The following FSIP1 variants were observed in gnomAD, a reference collection of about 807,000 sequenced individuals.
FSIP1 encodes fibrous sheath interacting protein 1.
Under a neutral mutation model 60.9 loss-of-function variants are expected in FSIP1, and 65 were observed. That is an observed-to-expected ratio of 1.07 (90% CI 0.87 to 1.31). The LOEUF (loss-of-function observed/expected upper bound fraction) is 1.31, where lower values mean the gene tolerates loss of function less well. Among genes scored for constraint, FSIP1 ranks in the 40% most tolerant of loss-of-function variants. The pLI, the probability that FSIP1 is intolerant of heterozygous loss-of-function variation, is 0.00. For synonymous variants in FSIP1, 209 were observed against 221.2 expected (o/e 0.94, Z 0.49); for missense variants, 675 against 665.5 (o/e 1.01, Z -0.16).
intron 10 of FSIP1, among the ~76,000 whole-genome samples, chr15:39,640,039 GAAAT>G (rs1371591707): frequency 6.6e-6 from 1 of 152,148 alleles, no homozygotes; most frequent in Non-Finnish European, 1.5e-5. Flanking sequence ...ATTTGTTGAT[GAAAT>G]AAATAAATAC....
Position 39,687,532 on chromosome 15 carries a change from G to A in FSIP1, c.1188+25912C>T, listed in dbSNP as rs139562262. On this transcript the variant is annotated intron_variant, in intron 10 of 11. Transcript: ENST00000350221. ...TAAGGTAAACATGAGCCAGTCACTT[G>A]CAGAGTTGGTCCCTACCTCCCATCT... Among the ~76,000 whole-genome samples, 536 of 152,228 alleles carry A rather than the reference G, an allele frequency of 3.5e-3. 4 individuals are homozygous for A. The highest frequency in any genetic ancestry group is 0.012 in the African/African-American group (507 of 41,546).
intron 10 of FSIP1, among the ~76,000 whole-genome samples, chr15:39,705,500 G>T (rs941004301): frequency 2.0e-5 from 3 of 151,800 alleles, no homozygotes; most frequent in Non-Finnish European, 4.4e-5. Context: ...CTTAATTATG[G>T]CTCCCCTTTC....
intron 10 of FSIP1, among the ~76,000 whole-genome samples, chr15:39,672,461 G>A (rs145944982): frequency 7.2e-4 from 109 of 152,294 alleles, no homozygotes; most frequent in African/African-American, 2.6e-3. Flanking sequence ...AGAGTCAGTG[G>A]TTGAGAACTA....
chr15:39,659,814 T>C (rs979609770), intron 10 of FSIP1, among the ~76,000 whole-genome samples: 1 of 152,136 alleles, frequency 6.6e-6, no homozygotes, highest in African/African-American at 2.4e-5. Flanking sequence ...GAATTTTTAT[T>C]GCAATTTTGC....
intron 11 of FSIP1, among the ~76,000 whole-genome samples, chr15:39,610,492 C>T (rs986853397): frequency 2.6e-5 from 4 of 152,016 alleles, no homozygotes; most frequent in African/African-American, 7.3e-5. Context: ...ATGGTGAAAC[C>T]CCATCTCTGC....
At chr15:39,692,304 T>C (rs1361567404) in intron 10 of FSIP1, among the ~76,000 whole-genome samples, 1 of 152,236 alleles carries the variant, frequency 6.6e-6, no homozygotes, top group Non-Finnish European at 1.5e-5. Flanking sequence ...ATGTGTGAAA[T>C]GCTTTGCAAC....
intron 11 of FSIP1, among the ~76,000 whole-genome samples, chr15:39,615,629 T>C (rs897416595): frequency 2.1e-4 from 32 of 151,712 alleles, no homozygotes; most frequent in Admixed American, 6.6e-4. Context: ...GGCTCACGCC[T>C]GTAATCCCAG....
intron 9 of FSIP1, among the ~76,000 whole-genome samples, chr15:39,721,680 T>C (rs1895988239): frequency 6.6e-6 from 1 of 152,204 alleles, no homozygotes; most frequent in African/African-American, 2.4e-5. Context: ...GAAGTGGGCC[T>C]TAGGGCCTGC....
At chr15:39,614,029 A>T (rs1891127778) in intron 11 of FSIP1, among the ~76,000 whole-genome samples, 1 of 152,228 alleles carries the variant, frequency 6.6e-6, no homozygotes, top group Non-Finnish European at 1.5e-5. Context: ...TTCCACAAGG[A>T]TGCCCACTCT....
chr15:39,776,915 G>C (rs1395946021), intron 1 of FSIP1, among the ~76,000 whole-genome samples: 5 of 152,028 alleles, frequency 3.3e-5, no homozygotes, highest in African/African-American at 9.7e-5. Flanking sequence ...GATTTGCTAA[G>C]GCCCTCCTGC....
intron 10 of FSIP1, among the ~76,000 whole-genome samples, chr15:39,641,761 G>A (rs765714118): frequency 5.3e-5 from 8 of 152,064 alleles, no homozygotes; most frequent in South Asian, 4.1e-4. Flanking sequence ...TAACAAAACC[G>A]CGCAAGACTA....
At chr15:39,602,983 C>T (rs992343450) in intron 11 of FSIP1, among the ~76,000 whole-genome samples, 2 of 152,112 alleles carry the variant, frequency 1.3e-5, no homozygotes, top group African/African-American at 2.4e-5. Flanking sequence ...CCCCAAAGAA[C>T]ATTTTTTGCA....
intron 1 of FSIP1, among the ~76,000 whole-genome samples, chr15:39,779,516 C>A (rs1339262323): frequency 6.6e-6 from 1 of 152,208 alleles, no homozygotes; most frequent in African/African-American, 2.4e-5. Flanking sequence ...CAACATCCCA[C>A]CACCCTGAGC....
At chr15:39,630,407 T>A (rs1409649041) in intron 10 of FSIP1, among the ~76,000 whole-genome samples, 1 of 152,192 alleles carries the variant, frequency 6.6e-6, no homozygotes, top group African/African-American at 2.4e-5. Context: ...AGTTTCCCTT[T>A]CACACAGAGC....
At chr15:39,753,292 T>A (rs1394933802) in intron 5 of FSIP1, among the ~76,000 whole-genome samples, 1 of 152,116 alleles carries the variant, frequency 6.6e-6, no homozygotes, top group Non-Finnish European at 1.5e-5. Flanking sequence ...CTGTTTCAAA[T>A]CATAGAAATA....
intron 11 of FSIP1, among the ~76,000 whole-genome samples, chr15:39,601,696 T>A (rs1022134296): frequency 1.3e-5 from 2 of 152,234 alleles, no homozygotes; most frequent in Admixed American, 1.3e-4. Flanking sequence ...GATATATCCA[T>A]ATAATTGAGA....
chr15:39,764,505 A>G lies in FSIP1; in HGVS notation c.466-591T>C, dbSNP rs188646731. Among the ~76,000 whole-genome samples, 7 of 152,312 alleles carry G rather than the reference A, an allele frequency of 4.6e-5. No homozygotes were observed. In the East Asian group the frequency reaches 1.4e-3, roughly 29 times the overall value. ...AGGAAACTTTCCCAGAAGTCAGTCA[A>G]CTGTTCAAGGAGGACTTTATCAAAA... On this transcript the variant is annotated intron_variant, in intron 4 of 11. Coordinates refer to ENST00000350221, the MANE Select transcript of FSIP1 (RefSeq NM_152597.5).
At chr15:39,717,733 A>G (rs1895796753) in intron 9 of FSIP1, among the ~76,000 whole-genome samples, 1 of 152,222 alleles carries the variant, frequency 6.6e-6, no homozygotes, top group South Asian at 2.1e-4. Flanking sequence ...CACCGAGTCC[A>G]AGGACCCAGC....
intron 9 of FSIP1, among the ~76,000 whole-genome samples, chr15:39,719,234 T>C (rs1431464163): frequency 6.6e-6 from 1 of 152,224 alleles, no homozygotes; most frequent in African/African-American, 2.4e-5. Flanking sequence ...CTATCTGTCC[T>C]CGTGATCATC....
Sources: gnomAD v4.1 joint callset for allele counts (sites outside exome capture counted in the v4.1 genomes callset) on GRCh38, gnomAD v4.1.1 for gene constraint, MANE v1.5 for transcripts, NCBI Gene and HGNC (gene_info 2026-07-23, HGNC 2026-07-21) for gene names.